Variants in EYS observed in about 807,000 individuals in gnomAD.
The protein encoded by EYS is protein eyes shut homolog.
Under a neutral mutation model 282.1 loss-of-function variants are expected in EYS, and 250 were observed. The ratio of observed to expected loss-of-function variants is 0.89; its 90% CI spans 0.80 to 0.98. The LOEUF is 0.98. Ranked by LOEUF, EYS falls within the 50% of genes least tolerant of loss-of-function variation. The pLI is 0.00. For missense variants in EYS, 4,016 were observed against 3,709.0 expected, an observed-to-expected ratio of 1.08 and a Z score of -2.15; for synonymous variants, 1,355 against 1,282.9, an observed-to-expected ratio of 1.06 and a Z score of -1.20.
intron 11 of EYS, among the ~76,000 whole-genome samples, chr6:65,306,964 T>C (rs930181408): frequency 7.0e-6 from 1 of 143,302 alleles, no homozygotes; most frequent in Non-Finnish European, 1.5e-5. Flanking sequence ...AGCGTATTTT[T>C]AAGTTTGGGA....
chr6:65,127,503 C>T (rs1467370557), intron 12 of EYS, among the ~76,000 whole-genome samples: 1 of 152,012 alleles, frequency 6.6e-6, no homozygotes, highest in African/African-American at 2.4e-5. Flanking sequence ...ACACAGTAAA[C>T]ATTTGCAATG....
chr6:65,191,828 C>G (rs951217351), intron 12 of EYS, among the ~76,000 whole-genome samples: 11 of 151,854 alleles, frequency 7.2e-5, no homozygotes, highest in Non-Finnish European at 7.4e-5. Context: ...AAGAAAGGTT[C>G]TGACCCTGTG....
rs145274061 is a variant in EYS, at chr6:64,590,634, C to T, written c.5233G>A (p.Asp1745Asn). ...TAAATTTGTAAGTTTAACTCAAAAT[C>T]CAGAGAACTATCACTTGGGTGAAGT... Reference protein sequence around the residue: ...FKLHPSDSSLDFELNLQIYPD... With the variant: ...FKLHPSDSSLNFELNLQIYPD... The change falls in exon 26 of 43, where the codon GAT (aspartate) becomes AAT (asparagine). Residue 1745 changes from aspartate (D) to asparagine (N), a missense_variant. Physicochemically the swap from Asp to Asn is conservative, Grantham distance 23 (BLOSUM62 1). Transcript: ENST00000503581. The T allele has an allele frequency of 2.1e-4, 330 of 1,551,216 alleles. 2 individuals carry two copies. In the African/African-American group the frequency reaches 4.0e-3, roughly 19 times the overall value.
At chr6:64,918,262 A>G (rs16896038) in intron 15 of EYS, among the ~76,000 whole-genome samples, 4,755 of 152,252 alleles carry the variant, frequency 0.031, 133 homozygotes, top group East Asian at 0.13. Context: ...TTTGAATAAC[A>G]GCCTGAAAAT....
intron 22 of EYS, among the ~76,000 whole-genome samples, chr6:64,694,520 G>A (rs913253504): frequency 6.6e-6 from 1 of 152,108 alleles, no homozygotes; most frequent in Non-Finnish European, 1.5e-5. Flanking sequence ...ATTGATACTA[G>A]GAAGTGCCCT....
intron 31 of EYS, among the ~76,000 whole-genome samples, chr6:64,194,596 T>C (rs1277281311): frequency 1.3e-5 from 2 of 152,178 alleles, no homozygotes; most frequent in African/African-American, 4.8e-5. Context: ...CTTTTTAATA[T>C]AATTGCATTT....
intron 29 of EYS, among the ~76,000 whole-genome samples, chr6:64,360,474 TCTTGGTACACTAGA>T (rs578116133): frequency 4.0e-4 from 61 of 151,810 alleles, no homozygotes; most frequent in African/African-American, 1.5e-3. Context: ...GGCTAGACCT[TCTTGGTACACTAGA>T]CTTGGTGCTA....
chr6:64,700,082 C>T (rs1770726473), intron 22 of EYS, among the ~76,000 whole-genome samples: 1 of 151,878 alleles, frequency 6.6e-6, no homozygotes, highest in Admixed American at 6.6e-5. Flanking sequence ...GGTCAATATA[C>T]ACAAATCAAT....
At chr6:65,331,216 G>A (rs1026332365) in intron 11 of EYS, 1 of 723,264 alleles carries the variant, frequency 1.4e-6, no homozygotes, top group African/African-American at 1.9e-5. Context: ...CATTAAATGT[G>A]TGAATTAATT....
At chr6:63,915,897 A>G (rs1764411215) in intron 35 of EYS, among the ~76,000 whole-genome samples, 1 of 152,228 alleles carries the variant, frequency 6.6e-6, no homozygotes, top group Admixed American at 6.5e-5. Context: ...TGAATGAGCA[A>G]AGATGTTGGT....
At chr6:64,752,033 A>G (rs1375063905) in intron 22 of EYS, among the ~76,000 whole-genome samples, 1 of 152,180 alleles carries the variant, frequency 6.6e-6, no homozygotes, top group East Asian at 1.9e-4. Flanking sequence ...TCCAGATGAG[A>G]AGAAACAGAT....
At chr6:65,331,824 T>TATC in intron 11 of EYS, 1 of 612,086 alleles carries the variant, frequency 1.6e-6, no homozygotes, top group African/African-American at 2.0e-5. Context: ...TTGAAGCACA[T>TATC]ATCAGTAATT....
At chr6:63,827,668 C>T (rs1771508188) in intron 36 of EYS, among the ~76,000 whole-genome samples, 1 of 151,828 alleles carries the variant, frequency 6.6e-6, no homozygotes, top group Non-Finnish European at 1.5e-5. Context: ...CAAGGTGAAA[C>T]CCCGTCTCTA....
At chr6:63,743,519 A>C (rs547313771) in intron 41 of EYS, among the ~76,000 whole-genome samples, 21 of 152,296 alleles carry the variant, frequency 1.4e-4, no homozygotes, top group African/African-American at 4.6e-4. Context: ...GATTACTCAT[A>C]TCAAAGAAAT....
chr6:64,312,703 T>A (rs1409108743), intron 29 of EYS, among the ~76,000 whole-genome samples: 3 of 152,226 alleles, frequency 2.0e-5, no homozygotes, highest in Non-Finnish European at 4.4e-5. Flanking sequence ...AAATCTTTGC[T>A]GTTCTGCAGC....
In EYS at chr6:64,027,601, G is replaced by A. The variant is rs553409773; in HGVS notation, c.6726-28418C>T. On this transcript the variant is annotated intron_variant, in intron 33 of 42. Transcript: ENST00000503581. The stretch of plus-strand genomic sequence containing the variant: ...CAGACAAACAAACCTTGGTGGTTCA[G>A]AGAAGACAGAAAATGGAGCAGGCCA... Among the ~76,000 whole-genome samples, 4 of 152,318 alleles carry A rather than the reference G, an allele frequency of 2.6e-5. No homozygotes were observed. In the East Asian group the frequency reaches 5.8e-4, roughly 22 times the overall value.
chr6:65,443,788 A>G (rs562613689), intron 5 of EYS, among the ~76,000 whole-genome samples: 94 of 151,830 alleles, frequency 6.2e-4, no homozygotes, highest in Admixed American at 2.4e-3. Context: ...ATATAGTTAC[A>G]TATACATTAT....
At chr6:64,530,754 G>A (rs1336101054) in intron 26 of EYS, among the ~76,000 whole-genome samples, 1 of 151,978 alleles carries the variant, frequency 6.6e-6, no homozygotes, top group Non-Finnish European at 1.5e-5. Context: ...GGCTAGGGAG[G>A]AAGGAATCTA....
At chr6:64,971,817 C>A (rs1770305558) in intron 14 of EYS, among the ~76,000 whole-genome samples, 1 of 152,092 alleles carries the variant, frequency 6.6e-6, no homozygotes, top group South Asian at 2.1e-4. Flanking sequence ...GAGAGAACAT[C>A]ATGAAATTGT....
Sources: allele counts gnomAD v4.1 joint callset (sites outside exome capture counted in the v4.1 genomes callset), GRCh38; gene constraint gnomAD v4.1.1; transcripts MANE v1.5; gene names NCBI Gene and HGNC (gene_info 2026-07-23, HGNC 2026-07-21).